The following INSYN2B variants were observed in gnomAD, a reference collection of about 807,000 sequenced individuals.
The protein encoded by INSYN2B is protein INSYN2B.
Under a neutral mutation model 41.2 loss-of-function variants are expected in INSYN2B, and 16 were observed. The ratio of observed to expected loss-of-function variants is 0.39; its 90% CI spans 0.26 to 0.59. The LOEUF (loss-of-function observed/expected upper bound fraction) is 0.59, where lower values mean the gene tolerates loss of function less well. INSYN2B is among the 20% of genes least tolerant of loss of function. The pLI, the probability that INSYN2B is intolerant of heterozygous loss-of-function variation, is 0.57. For synonymous variants in INSYN2B, 245 were observed against 244.4 expected, an observed-to-expected ratio of 1.00 and a Z score of -0.02; for missense variants, 608 against 646.4, an observed-to-expected ratio of 0.94 and a Z score of 0.64.
At chr5:169,881,162 G>A (rs542413583) in intron 3 of INSYN2B, among the ~76,000 whole-genome samples, 2 of 152,266 alleles carry the variant, frequency 1.3e-5, no homozygotes, top group South Asian at 4.1e-4. Flanking sequence ...ATAAGCCTAG[G>A]GATGATTACA....
At chr5:169,874,484 T>C (rs1581335829) in intron 3 of INSYN2B, among the ~76,000 whole-genome samples, 1 of 146,094 alleles carries the variant, frequency 6.8e-6, no homozygotes, top group African/African-American at 2.5e-5. Flanking sequence ...CGGGTGGTGG[T>C]GGCAGATTCT....
chr5:169,894,722 G>T (rs114378834), intron 1 of INSYN2B, among the ~76,000 whole-genome samples: 587 of 152,296 alleles, frequency 3.9e-3, no homozygotes, highest in Non-Finnish European at 6.2e-3. Context: ...ACACACAGTA[G>T]GTGCTCAGTA....
At chr5:169,968,513 G>A (rs1035359345) in intron 1 of INSYN2B, among the ~76,000 whole-genome samples, 4 of 152,164 alleles carry the variant, frequency 2.6e-5, no homozygotes, top group Non-Finnish European at 5.9e-5. Context: ...ACATTGGGGG[G>A]TCAATGTTCA....
intron 1 of INSYN2B, among the ~76,000 whole-genome samples, chr5:169,920,761 C>T (rs564243942): frequency 6.6e-6 from 1 of 152,300 alleles, no homozygotes; most frequent in South Asian, 2.1e-4. Context: ...CTTGGCCCTT[C>T]CTTTGGGCTT....
Position 169,882,976 on chromosome 5 carries a change from G to C in INSYN2B, c.923C>G (p.Thr308Ser), listed in dbSNP as rs1772749143. 6.4e-7 allele frequency: 1 copy of C among 1,551,624 alleles called. No homozygotes were observed. Among genetic ancestry groups the C allele is most frequent in the Non-Finnish European group, 8.7e-7 (1 of 1,146,938 alleles). Reference protein sequence around the residue: ...KETCVPSSPRTHSSPSQGSHS... With the variant: ...KETCVPSSPRSHSSPSQGSHS... The stretch of plus-strand genomic sequence containing the variant: ...GGAGCCTTGTGAGGGGGAACTGTGA[G>C]TCCGTGGAGATGAAGGAACACACGT... Residue 308 changes from threonine to serine, a missense_variant, in exon 2 of 4, where the codon ACT becomes AGT. Coordinates refer to ENST00000377365, the MANE Select transcript of INSYN2B (RefSeq NM_001129891.3).
intron 1 of INSYN2B, among the ~76,000 whole-genome samples, chr5:169,919,738 C>T (rs965567063): frequency 2.6e-5 from 4 of 152,136 alleles, no homozygotes; most frequent in African/African-American, 7.2e-5. Context: ...TGAGTCCCCG[C>T]GAAACCTGCT....
chr5:169,978,693 C>T (rs1251135571), intron 1 of INSYN2B, among the ~76,000 whole-genome samples: 1 of 152,062 alleles, frequency 6.6e-6, no homozygotes, highest in African/African-American at 2.4e-5. Flanking sequence ...CAAGACCTCC[C>T]TACGTCCCGA....
chr5:169,904,042 G>A (rs1200887637), intron 1 of INSYN2B, among the ~76,000 whole-genome samples: 2 of 146,324 alleles, frequency 1.4e-5, no homozygotes, highest in South Asian at 2.2e-4. Flanking sequence ...GCAGTGAGCC[G>A]AGATCGTTCC....
intron 3 of INSYN2B, among the ~76,000 whole-genome samples, chr5:169,868,715 AC>A (rs1771752560): frequency 6.6e-6 from 1 of 152,186 alleles, no homozygotes; most frequent in Non-Finnish European, 1.5e-5. Context: ...CTATGAGTGC[AC>A]CACTGCACTC....
chr5:169,966,156 A>G (rs947999178), intron 1 of INSYN2B, among the ~76,000 whole-genome samples: 2 of 152,220 alleles, frequency 1.3e-5, no homozygotes, highest in Non-Finnish European at 2.9e-5. Context: ...TAATCCCATT[A>G]TGGTAGGAGC....
chr5:169,934,615 A>G, intron 1 of INSYN2B: 1 of 456,042 alleles, frequency 2.2e-6, no homozygotes, highest in Non-Finnish European at 4.4e-6. Context: ...TGGGCAAGAT[A>G]CTTCCCCTTG....
At chr5:169,874,427 A>T (rs1349119707) in intron 3 of INSYN2B, among the ~76,000 whole-genome samples, 1 of 151,750 alleles carries the variant, frequency 6.6e-6, no homozygotes, top group African/African-American at 2.4e-5. Flanking sequence ...AAAAAAAAAA[A>T]AAAAAGCAAT....
intron 1 of INSYN2B, among the ~76,000 whole-genome samples, chr5:169,948,834 T>C (rs961035692): frequency 6.6e-6 from 1 of 152,086 alleles, no homozygotes; most frequent in Non-Finnish European, 1.5e-5. Flanking sequence ...TTTGTCTCTT[T>C]TTTTTTTCTT....
chr5:169,874,029 G>A (rs1195650143), intron 3 of INSYN2B, among the ~76,000 whole-genome samples: 1 of 152,158 alleles, frequency 6.6e-6, no homozygotes, highest in Admixed American at 6.5e-5. Flanking sequence ...ACAAAGGGAG[G>A]CTCTTGCAGA....
chr5:169,967,353 T>C (rs191956801), intron 1 of INSYN2B, among the ~76,000 whole-genome samples: 1 of 152,292 alleles, frequency 6.6e-6, no homozygotes. Context: ...GATACATGTG[T>C]TGGCTCAGAT....
intron 1 of INSYN2B, among the ~76,000 whole-genome samples, chr5:169,979,246 A>C (rs979182661): frequency 1.3e-5 from 2 of 152,194 alleles, no homozygotes; most frequent in Non-Finnish European, 2.9e-5. Context: ...GAACAACGTC[A>C]GTGTTAGGGC....
At chr5:169,894,269 A>G (rs146972127) in intron 1 of INSYN2B, among the ~76,000 whole-genome samples, 94 of 152,338 alleles carry the variant, frequency 6.2e-4, no homozygotes, top group African/African-American at 1.9e-3. Flanking sequence ...CCAAAAGGAC[A>G]GCAGAAATTT....
At chr5:169,957,373 T>C (rs1581470472) in intron 1 of INSYN2B, among the ~76,000 whole-genome samples, 1 of 152,260 alleles carries the variant, frequency 6.6e-6, no homozygotes, top group Admixed American at 6.5e-5. Context: ...ATAGACAAAG[T>C]ACTTAGCACA....
intron 1 of INSYN2B, among the ~76,000 whole-genome samples, chr5:169,898,114 G>A (rs999053712): frequency 6.6e-6 from 1 of 152,200 alleles, no homozygotes; most frequent in Non-Finnish European, 1.5e-5. Context: ...CTTGTGTGTT[G>A]TTCTTCCTTT....
Sources: allele counts gnomAD v4.1 joint callset (sites outside exome capture counted in the v4.1 genomes callset), GRCh38; gene constraint gnomAD v4.1.1; transcripts MANE v1.5; gene names NCBI Gene and HGNC (gene_info 2026-07-23, HGNC 2026-07-21).